RALYL: variants seen among roughly 807,000 people sequenced by gnomAD.
RALYL encodes the protein RALY RNA binding protein like.
In RALYL, 29 loss-of-function variants were observed where a neutral mutation model predicts 35.1. The ratio of observed to expected loss-of-function variants is 0.83; its 90% CI spans 0.61 to 1.13. The LOEUF (loss-of-function observed/expected upper bound fraction) is 1.13, where lower values mean the gene tolerates loss of function less well. RALYL is among the 50% of genes most tolerant of loss of function. RALYL has a pLI of 0.00. For synonymous variants in RALYL, 120 were observed against 127.6 expected, an observed-to-expected ratio of 0.94 and a Z score of 0.40; for missense variants, 359 against 360.4, an observed-to-expected ratio of 1.00 and a Z score of 0.03.
At chr8:84,229,500 C>T (rs12541642) in intron 1 of RALYL, among the ~76,000 whole-genome samples, 1 of 152,098 alleles carries the variant, frequency 6.6e-6, no homozygotes, top group African/African-American at 2.4e-5. Flanking sequence ...AACTATTTAT[C>T]CCAAATATTA....
At chr8:84,372,619 T>C (rs1465590320) in intron 1 of RALYL, among the ~76,000 whole-genome samples, 11 of 151,922 alleles carry the variant, frequency 7.2e-5, no homozygotes, top group African/African-American at 2.2e-4. Context: ...TGGCATGAGA[T>C]TGTAGTCCCA....
intron 1 of RALYL, among the ~76,000 whole-genome samples, chr8:84,467,265 C>A (rs1405714621): frequency 6.6e-6 from 1 of 151,758 alleles, no homozygotes; most frequent in Non-Finnish European, 1.5e-5. Flanking sequence ...TTCCTGCTTT[C>A]TCTTGTGGGC....
intron 7 of RALYL, among the ~76,000 whole-genome samples, chr8:84,885,584 G>T (rs1405991879): frequency 1.3e-5 from 2 of 152,106 alleles, no homozygotes; most frequent in African/African-American, 4.8e-5. Flanking sequence ...GGAGAAATTT[G>T]AACCTAATAA....
At chr8:84,217,564 G>C (rs1821129887) in intron 1 of RALYL, among the ~76,000 whole-genome samples, 1 of 151,962 alleles carries the variant, frequency 6.6e-6, no homozygotes, top group Non-Finnish European at 1.5e-5. Flanking sequence ...ACACAGAAAG[G>C]AAAATAATTA....
chr8:84,508,430 T>C (rs1389618487), intron 1 of RALYL, among the ~76,000 whole-genome samples: 1 of 152,114 alleles, frequency 6.6e-6, no homozygotes, highest in East Asian at 1.9e-4. Context: ...TTCCTTTCTG[T>C]AAAAAACAGC....
At chr8:84,305,515 G>T (rs1405867490) in intron 1 of RALYL, among the ~76,000 whole-genome samples, 1 of 152,168 alleles carries the variant, frequency 6.6e-6, no homozygotes, top group Non-Finnish European at 1.5e-5. Flanking sequence ...TGAGAAAAGG[G>T]AACAAATTGC....
intron 1 of RALYL, among the ~76,000 whole-genome samples, chr8:84,371,133 T>C: frequency 6.6e-6 from 1 of 151,916 alleles, no homozygotes; most frequent in East Asian, 1.9e-4. Context: ...TGACAACCCC[T>C]GTAGAAGCAG....
At chr8:84,259,036 C>A (rs1831728041) in intron 1 of RALYL, among the ~76,000 whole-genome samples, 1 of 152,136 alleles carries the variant, frequency 6.6e-6, no homozygotes, top group African/African-American at 2.4e-5. Context: ...ATCTTACTAA[C>A]ATGTTATTTA....
At chr8:84,838,672 A>C (rs888995967) in intron 4 of RALYL, among the ~76,000 whole-genome samples, 12 of 152,336 alleles carry the variant, frequency 7.9e-5, no homozygotes, top group South Asian at 2.1e-4. Flanking sequence ...GTTCTTGTAA[A>C]TACATCTTAG....
At chr8:84,354,861 C>T (rs1851529494) in intron 1 of RALYL, among the ~76,000 whole-genome samples, 1 of 150,060 alleles carries the variant, frequency 6.7e-6, no homozygotes, top group Admixed American at 6.6e-5. Flanking sequence ...AGAAAAGCCG[C>T]ACAATTAGGA....
At chr8:84,247,216 A>T (rs938018187) in intron 1 of RALYL, among the ~76,000 whole-genome samples, 7 of 152,176 alleles carry the variant, frequency 4.6e-5, no homozygotes, top group Non-Finnish European at 7.3e-5. Flanking sequence ...AGCTTTCCAC[A>T]TTATTCCTAT....
At chr8:84,265,386 A>T (rs1833088026) in intron 1 of RALYL, among the ~76,000 whole-genome samples, 1 of 152,182 alleles carries the variant, frequency 6.6e-6, no homozygotes, top group African/African-American at 2.4e-5. Flanking sequence ...ACTGTGAGAG[A>T]TACCCAACCT....
rs1017504089 is a variant in RALYL at position 84,805,459 on chromosome 8, G to A, written c.365+657G>A. On this transcript the variant is annotated intron_variant, in intron 4 of 8. Coordinates refer to ENST00000521268, the MANE Select transcript of RALYL (RefSeq NM_173848.7). ...ATCCTAGCATTTTTGGGAGGTGGGC[G>A]GATCACCTGAGGGCAGGAGCTCAAG... is the stretch of plus-strand genomic sequence containing the variant. 3.3e-5 allele frequency among the ~76,000 whole-genome samples: 5 copies of A among 152,192 alleles called. No individual in the cohort carries two copies. In the East Asian group the frequency reaches 5.8e-4, roughly 18 times the overall value.
At chr8:84,814,414 T>C (rs1826681806) in intron 4 of RALYL, among the ~76,000 whole-genome samples, 1 of 152,110 alleles carries the variant, frequency 6.6e-6, no homozygotes, top group Admixed American at 6.5e-5. Context: ...CAGATTTTAA[T>C]GATGAATACT....
chr8:84,488,243 C>G (rs2054864662), intron 1 of RALYL, among the ~76,000 whole-genome samples: 1 of 152,018 alleles, frequency 6.6e-6, no homozygotes, highest in African/African-American at 2.4e-5. Flanking sequence ...TTCAGTGATA[C>G]AAATACGGTT....
intron 2 of RALYL, among the ~76,000 whole-genome samples, chr8:84,705,313 G>T (rs371356888): frequency 1.3e-5 from 2 of 152,032 alleles, no homozygotes; most frequent in Non-Finnish European, 2.9e-5. Flanking sequence ...GGTTGGGGGT[G>T]GGGGAAGCTT....
chr8:84,292,652 C>T (rs182409470), intron 1 of RALYL, among the ~76,000 whole-genome samples: 1 of 152,234 alleles, frequency 6.6e-6, no homozygotes, highest in East Asian at 1.9e-4. Context: ...AGAGTGACCG[C>T]TGGTCATCCT....
intron 1 of RALYL, among the ~76,000 whole-genome samples, chr8:84,304,389 T>A (rs945152093): frequency 5.9e-5 from 9 of 152,184 alleles, no homozygotes; most frequent in African/African-American, 2.2e-4. Flanking sequence ...AAGGTTTATT[T>A]TTTAATCCAA....
intron 1 of RALYL, among the ~76,000 whole-genome samples, chr8:84,400,210 C>T (rs1706562785): frequency 6.6e-6 from 1 of 152,038 alleles, no homozygotes; most frequent in Admixed American, 6.6e-5. Flanking sequence ...AGGGATGGAA[C>T]CCAATTCTAA....
Sources: gnomAD v4.1 joint callset for allele counts (sites outside exome capture counted in the v4.1 genomes callset) on GRCh38, gnomAD v4.1.1 for gene constraint, MANE v1.5 for transcripts, NCBI Gene and HGNC (gene_info 2026-07-23, HGNC 2026-07-21) for gene names.